ABHD2: variants seen among roughly 807,000 people sequenced by gnomAD.
The protein encoded by ABHD2 is monoacylglycerol lipase ABHD2.
Under a neutral mutation model 48.1 loss-of-function variants are expected in ABHD2, and 20 were observed. The ratio of observed to expected loss-of-function variants is 0.42; its 90% CI spans 0.29 to 0.60. The LOEUF is 0.60. Ranked by LOEUF, ABHD2 falls within the 20% of genes least tolerant of loss-of-function variation. The probability of loss-of-function intolerance (pLI) is 0.24; values close to 1 mark genes in which losing one functional copy is unlikely to be tolerated. For missense variants in ABHD2, 405 were observed against 550.9 expected (o/e 0.74, Z 2.65); for synonymous variants, 209 against 214.2 (o/e 0.98, Z 0.21).
chr15:89,042,571 T>TTTTC, the ABHD2 span, among the ~76,000 whole-genome samples: 390 of 147,796 alleles, frequency 2.6e-3, 3 homozygotes, highest in African/African-American at 9.0e-3. Context: ...TTTTATTTCC[T>TTTTC]TTTCTTTCTT....
rs572770762 is a variant in ABHD2 at position 89,201,896 on chromosome 15, T to C, written c.*6473T>C. ...GGGAGCGAGTTCGCATCTCTCCTTT[T>C]CCTGGTTAGACTCTGTTCAACCACA... On this transcript the variant is annotated 3_prime_UTR_variant, in exon 11 of 11. Coordinates refer to ENST00000352732, the MANE Select transcript of ABHD2 (RefSeq NM_152924.5). 4.3e-4 allele frequency: 278 copies of C among 644,152 alleles called. No individual in the cohort carries two copies. In the African/African-American group the frequency reaches 4.5e-3, roughly 10 times the overall value. The allele number at this position is 644,152 out of a possible 1,614,324, so 39.9% of individuals were successfully genotyped here. A position where few individuals can be genotyped will look rare whatever the true frequency, so the allele number is the denominator to read the frequency against.
intron 3 of ABHD2, among the ~76,000 whole-genome samples, chr15:89,142,122 C>T (rs532047591): frequency 6.6e-6 from 1 of 152,314 alleles, no homozygotes; most frequent in African/African-American, 2.4e-5. Context: ...AGTCTCAACC[C>T]TGCTCTTGAC....
rs2050869166 is a variant in ABHD2 at position 89,168,411 on chromosome 15, A to G, written c.539-7401A>G. On this transcript the variant is annotated intron_variant, in intron 5 of 10. Coordinates refer to ENST00000352732, the MANE Select transcript of ABHD2 (RefSeq NM_152924.5). The surrounding 1 kb of genome is among the most constrained non-coding windows in gnomAD (Gnocchi z 4.8). ...ATGTAGCTGTTAGTAATAACAGGCC[A>G]GGGAGAGGCCCCAGGCACTAAAGGT... Among the ~76,000 whole-genome samples, 1 of 152,228 alleles carries G rather than the reference A, an allele frequency of 6.6e-6. No homozygotes were observed. Among genetic ancestry groups the G allele is most frequent in the East Asian group, 1.9e-4 (1 of 5,200 alleles).
chr15:89,079,879 T>C, the ABHD2 span, among the ~76,000 whole-genome samples: 3 of 152,216 alleles, frequency 2.0e-5, no homozygotes, highest in Non-Finnish European at 4.4e-5. This position sits in a 1 kb window ranked among gnomAD's most constrained non-coding sequence, Gnocchi z 4.3. Flanking sequence ...AGGGCTACTA[T>C]ATCTCGCTGG....
At chr15:89,169,741 A>C (rs1431546906) in intron 5 of ABHD2, among the ~76,000 whole-genome samples, 2 of 152,238 alleles carry the variant, frequency 1.3e-5, no homozygotes, top group Non-Finnish European at 2.9e-5. Flanking sequence ...GGCCTGAGGA[A>C]ATGTAAACAT....
chr15:89,133,491 C>T (rs550675234), intron 3 of ABHD2, among the ~76,000 whole-genome samples: 95 of 152,358 alleles, frequency 6.2e-4, no homozygotes, highest in Non-Finnish European at 1.1e-3. Context: ...ACTGTGAGCA[C>T]ATTTCCCCAA....
the ABHD2 span, among the ~76,000 whole-genome samples, chr15:89,053,173 C>G: frequency 2.9e-3 from 439 of 151,870 alleles, 2 homozygotes; most frequent in African/African-American, 9.7e-3. Flanking sequence ...TCACTGTGTT[C>G]GCCAGGATGG....
chr15:89,140,538 A>C (rs969793788), intron 3 of ABHD2, among the ~76,000 whole-genome samples: 20 of 152,092 alleles, frequency 1.3e-4, no homozygotes, highest in Non-Finnish European at 4.4e-5. Context: ...ACATATGTAC[A>C]TTTAACTTAT....
rs1239048049 is a variant in ABHD2, at chr15:89,167,729, CTCAGCTTTAAGATAGTT to C, written c.539-8080_539-8064del. Among the ~76,000 whole-genome samples, 1 of 152,154 alleles carries C rather than the reference CTCAGCTTTAAGATAGTT, an allele frequency of 6.6e-6. No homozygotes were observed. The highest frequency in any genetic ancestry group is 2.4e-5 in the African/African-American group (1 of 41,422). ...CTACAGCTATTGTATTCCTGGATGA[CTCAGCTTTAAGATAGTT>C]TCCCCTTGACTTTAAGAAATGACTC... is the stretch of plus-strand genomic sequence containing the variant. On this transcript the variant is annotated intron_variant, in intron 5 of 10. Coordinates refer to ENST00000352732, the MANE Select transcript of ABHD2 (RefSeq NM_152924.5). The surrounding 1 kb of genome is among the most constrained non-coding windows in gnomAD (Gnocchi z 5.5).
chr15:89,052,907 G>T, the ABHD2 span, among the ~76,000 whole-genome samples: 1 of 151,916 alleles, frequency 6.6e-6, no homozygotes, highest in Non-Finnish European at 1.5e-5. Context: ...TCCACCTCAG[G>T]GTGTCTTAGA....
Position 89,185,589 on chromosome 15 carries a change from C to A in ABHD2, c.815+73C>A. 2 of 1,368,776 alleles carry A rather than the reference C, an allele frequency of 1.5e-6. No individual in the cohort carries two copies. The highest frequency in any genetic ancestry group is 2.1e-6 in the Non-Finnish European group (2 of 964,980). 84.8% of individuals were successfully genotyped at this position (1,368,776 alleles called of 1,614,324 possible). ...AGCTCATCTGGGAACCGTGAAAAGCCAGGACTCCTGTTCCTTCAGGGGAAA... is the reference window on the plus strand; with the variant it reads ...AGCTCATCTGGGAACCGTGAAAAGCAAGGACTCCTGTTCCTTCAGGGGAAA... On this transcript the variant is annotated intron_variant, in intron 7 of 10. Coordinates refer to ENST00000352732, the MANE Select transcript of ABHD2 (RefSeq NM_152924.5). The surrounding 1 kb of genome is among the most constrained non-coding windows in gnomAD (Gnocchi z 5.9).
At chr15:89,058,408 A>G in the ABHD2 span, among the ~76,000 whole-genome samples, 1 of 152,232 alleles carries the variant, frequency 6.6e-6, no homozygotes, top group South Asian at 2.1e-4. Context: ...AGAGAGACCT[A>G]GAGAAAATGA....
intron 3 of ABHD2, chr15:89,136,283 C>T (rs1341250638): frequency 4.7e-6 from 2 of 422,280 alleles, no homozygotes; most frequent in African/African-American, 2.1e-5. Context: ...GTTTCTCTTT[C>T]GTATGGGCCC....
At chr15:89,043,829 T>C in the ABHD2 span, among the ~76,000 whole-genome samples, 2 of 152,146 alleles carry the variant, frequency 1.3e-5, no homozygotes, top group Non-Finnish European at 2.9e-5. Context: ...GATAAATATT[T>C]TGATATATTC....
chr15:89,101,050 T>C (rs532819732), intron 1 of ABHD2, among the ~76,000 whole-genome samples: 2 of 152,378 alleles, frequency 1.3e-5, no homozygotes, highest in South Asian at 2.1e-4. Context: ...AGTCTTCTAA[T>C]GGTATTTCAG....
Position 89,155,503 on chromosome 15 carries a change from T to C in ABHD2, c.507T>C (p.Ile169=), listed in dbSNP as rs200152203. 1.2e-6 allele frequency: 2 copies of C among 1,613,906 alleles called. No individual in the cohort carries two copies. Among genetic ancestry groups the C allele is most frequent in the Admixed American group, 1.7e-5 (1 of 59,992 alleles). Residue 169 remains isoleucine (I), a synonymous_variant, in exon 5 of 11, where the codon ATT becomes ATC. Transcript: ENST00000352732. The surrounding 1 kb of genome is among the most constrained non-coding windows in gnomAD (Gnocchi z 4.9). ...ACCACCTGGGTGCCCTGCCCAACAT[T>C]GAATTGACCTCGCCACGCATGTTCA... ...VLNHLGALPN[I]ELTSPRMFTY... is the part of the protein sequence containing the mutation.
chr15:89,187,281 C>G (rs2051226512), intron 7 of ABHD2, among the ~76,000 whole-genome samples: 1 of 152,196 alleles, frequency 6.6e-6, no homozygotes, highest in Non-Finnish European at 1.5e-5. Flanking sequence ...TCTAAGTATT[C>G]ACATTTTTCA....
At chr15:89,153,742 A>T (rs1042097242) in intron 4 of ABHD2, among the ~76,000 whole-genome samples, 2 of 152,212 alleles carry the variant, frequency 1.3e-5, no homozygotes, top group African/African-American at 4.8e-5. Flanking sequence ...TAATACATTT[A>T]AAAAATAAGA....
At chr15:89,043,615 G>A in the ABHD2 span, among the ~76,000 whole-genome samples, 3 of 140,310 alleles carry the variant, frequency 2.1e-5, no homozygotes, top group Non-Finnish European at 3.1e-5. Flanking sequence ...AGGAGGAGAC[G>A]AGGAGGCGGA....
Sources: gnomAD v4.1 joint callset for allele counts (sites outside exome capture counted in the v4.1 genomes callset) on GRCh38, gnomAD v4.1.1 for gene constraint, Gnocchi (gnomAD v3.1) non-coding constraint, MANE v1.5 for transcripts, NCBI Gene and HGNC (gene_info 2026-07-23, HGNC 2026-07-21) for gene names.